Variants in POLR2G observed in about 807,000 individuals in gnomAD.
POLR2G encodes RNA polymerase II subunit G.
A neutral mutation model predicts 25.7 loss-of-function variants in POLR2G; 19 were observed. The observed-to-expected ratio is 0.74, with a 90% CI of 0.52 to 1.08. The LOEUF (loss-of-function observed/expected upper bound fraction) is 1.08, where lower values mean the gene tolerates loss of function less well. POLR2G is among the 50% of genes least tolerant of loss of function. The pLI, the probability that POLR2G is intolerant of heterozygous loss-of-function variation, is 0.00. For missense variants in POLR2G, 123 were observed against 218.5 expected (o/e 0.56, Z 2.76); for synonymous variants, 79 against 76.0 (o/e 1.04, Z -0.21).
chr11:62,761,584 G>A lies in POLR2G; in HGVS notation c.-65G>A. The A allele has an allele frequency of 1.3e-6, 2 of 1,525,900 alleles. No individual in the cohort carries two copies. Among genetic ancestry groups the A allele is most frequent in the East Asian group, 4.7e-5 (2 of 42,390 alleles). 94.5% of individuals were successfully genotyped at this position (1,525,900 alleles called of 1,614,324 possible). ...GGAACTGGGGTTGCGGCGTCTAAGT[G>A]TTTCCGGTGGATTCCCAGGGACTGT... On this transcript the variant is annotated 5_prime_UTR_variant, in exon 1 of 8. Coordinates refer to ENST00000301788, the MANE Select transcript of POLR2G (RefSeq NM_002696.3).
rs780474757 is a variant in POLR2G, at chr11:62,766,474, T to C, written c.506-20T>C. The C allele has an allele frequency of 9.3e-6, 15 of 1,613,840 alleles. No individual in the cohort carries two copies. The highest frequency in any genetic ancestry group is 6.7e-5 in the Admixed American group (4 of 59,994). ...CCCTAAATTCCGGTTCTAACTGATATGCTTTTTCTGGTTTCGCAGGGCTTG... is the reference window on the plus strand; with the variant it reads ...CCCTAAATTCCGGTTCTAACTGATACGCTTTTTCTGGTTTCGCAGGGCTTG... On this transcript the variant is annotated intron_variant, in intron 7 of 7. Coordinates refer to ENST00000301788, the MANE Select transcript of POLR2G (RefSeq NM_002696.3).
In POLR2G at chr11:62,765,615, C is replaced by A. The variant is rs766171822; in HGVS notation, c.400-38C>A. The A allele has an allele frequency of 2.2e-5, 31 of 1,430,590 alleles. 1 individual carries two copies. In the South Asian group the frequency reaches 3.4e-4, roughly 16 times the overall value. The allele number at this position is 1,430,590 out of a possible 1,614,324, so 88.6% of individuals were successfully genotyped here. Reference sequence around the variant, plus strand: ...TGATTGTGATGTAACTTCTCATAAACTGAGGAGCATCTGTACACTGTTCCC... The same window carrying A: ...TGATTGTGATGTAACTTCTCATAAAATGAGGAGCATCTGTACACTGTTCCC... On this transcript the variant is annotated intron_variant, in intron 5 of 7. Coordinates refer to ENST00000301788, the MANE Select transcript of POLR2G (RefSeq NM_002696.3).
intron 3 of POLR2G, among the ~76,000 whole-genome samples, chr11:62,764,189 G>A (rs182049186): frequency 1.3e-5 from 2 of 152,010 alleles, no homozygotes; most frequent in Admixed American, 6.6e-5. Context: ...GGCTGGGCGC[G>A]GTGACTCACA....
chr11:62,762,812 G>A, intron 2 of POLR2G, 55 bp from the exon 3 acceptor site: 1 of 1,447,346 alleles, frequency 6.9e-7, no homozygotes, highest in East Asian at 2.3e-5. Flanking sequence ...TATTGCAGAT[G>A]TCTTTAGAGG....
chr11:62,765,471 C>A, intron 5 of POLR2G, 66 bp downstream of exon 5: 1 of 1,352,338 alleles, frequency 7.4e-7, no homozygotes, highest in Non-Finnish European at 1.1e-6. Context: ...AGAATATTGG[C>A]CTGGGGATGG....
At chr11:62,766,153 G>T in intron 6 of POLR2G, 90 bp from the exon 7 acceptor site, 1 of 1,067,472 alleles carries the variant, frequency 9.4e-7, no homozygotes. Flanking sequence ...AGGAAGAAGG[G>T]ATGGATGGGC....
chr11:62,764,188 C>A (rs945711691), intron 3 of POLR2G, among the ~76,000 whole-genome samples: 1 of 151,964 alleles, frequency 6.6e-6, no homozygotes, highest in African/African-American at 2.4e-5. Context: ...AGGCTGGGCG[C>A]GGTGACTCAC....
intron 6 of POLR2G, 51 bp from the exon 7 acceptor site, chr11:62,766,192 T>C: frequency 6.5e-7 from 1 of 1,537,406 alleles, no homozygotes; most frequent in Non-Finnish European, 9.0e-7. Flanking sequence ...GGGTGGAGGT[T>C]GGTTCTGTGC....
In POLR2G at chr11:62,766,697, G is replaced by A. The variant is rs1022383157; in HGVS notation, c.*190G>A. 8.8e-6 allele frequency: 5 copies of A among 568,300 alleles called. No individual in the cohort carries two copies. Among genetic ancestry groups the A allele is most frequent in the Non-Finnish European group, 1.6e-5 (5 of 320,052 alleles). 35.2% of individuals were successfully genotyped at this position (568,300 alleles called of 1,614,324 possible). On this transcript the variant is annotated 3_prime_UTR_variant, in exon 8 of 8. Coordinates refer to ENST00000301788, the MANE Select transcript of POLR2G (RefSeq NM_002696.3). ...TCAGTATGTGTTCTAAGTATAAAAAGTCCTTGGTTCTCATGGAAGTGTTAT... is the reference window on the plus strand; with the variant it reads ...TCAGTATGTGTTCTAAGTATAAAAAATCCTTGGTTCTCATGGAAGTGTTAT...
intron 4 of POLR2G, 39 bp downstream of exon 4, chr11:62,765,271 A>C (rs370907521): frequency 2.2e-5 from 36 of 1,608,716 alleles, no homozygotes; most frequent in Non-Finnish European, 3.1e-5. Context: ...AGGAAGACAG[A>C]TACTCATTCA....
Position 62,766,576 on chromosome 11 carries a change from A to G in POLR2G, c.*69A>G. On this transcript the variant is annotated 3_prime_UTR_variant, in exon 8 of 8. Coordinates refer to ENST00000301788, the MANE Select transcript of POLR2G (RefSeq NM_002696.3). Reference sequence around the variant, plus strand: ...TTGTCACACTTATCATGTTGTCCAGAGGTCCAGTCTGGCTGCTGTTGTGGA... The same window carrying G: ...TTGTCACACTTATCATGTTGTCCAGGGGTCCAGTCTGGCTGCTGTTGTGGA... The G allele has an allele frequency of 6.7e-6, 10 of 1,488,844 alleles. No homozygotes were observed. The highest frequency in any genetic ancestry group is 9.4e-6 in the Non-Finnish European group (10 of 1,067,566). 92.2% of individuals were successfully genotyped at this position (1,488,844 alleles called of 1,614,324 possible). A position where few individuals can be genotyped will look rare whatever the true frequency, so the allele number is the denominator to read the frequency against.
chr11:62,762,918 G>A lies in POLR2G; in HGVS notation c.174G>A (p.Val58=), dbSNP rs2084095799. 2 of 1,610,928 alleles carry A rather than the reference G, an allele frequency of 1.2e-6. No individual in the cohort carries two copies. Among genetic ancestry groups the A allele is most frequent in the East Asian group, 4.5e-5 (2 of 44,766 alleles). The change falls in exon 3 of 8, where the codon GTG becomes GTA. Residue 58 remains valine, a synonymous_variant. Transcript: ENST00000301788. ...VTTIDNIGAG[V]IQPGRGFVLY... is the part of the protein sequence containing the mutation. ...CCATTGACAATATTGGTGCTGGTGTGATCCAGCCAGGCCGAGGCTTTGTCC... is the reference window on the plus strand; with the variant it reads ...CCATTGACAATATTGGTGCTGGTGTAATCCAGCCAGGCCGAGGCTTTGTCC...
chr11:62,765,703 C>G lies in POLR2G; in HGVS notation c.450C>G (p.Thr150=). 1 of 1,608,064 alleles carries G rather than the reference C, an allele frequency of 6.2e-7. No homozygotes were observed. Among genetic ancestry groups the G allele is most frequent in the South Asian group, 1.1e-5 (1 of 91,002 alleles). ...DDEIRLKIVG[T]RVDKNDIFAI... is the part of the protein sequence containing the mutation. ...AGATCCGCTTAAAGATTGTGGGGACCCGTGTGGACAAGAATGACATTGTGA... is the reference window on the plus strand; with the variant it reads ...AGATCCGCTTAAAGATTGTGGGGACGCGTGTGGACAAGAATGACATTGTGA... The change falls in exon 6 of 8, where the codon ACC becomes ACG. Residue 150 remains threonine (T), a synonymous_variant. Coordinates refer to ENST00000301788, the MANE Select transcript of POLR2G (RefSeq NM_002696.3).
chr11:62,761,947 A>G (rs1202773596), intron 2 of POLR2G, 43 bp downstream of exon 2: 2 of 1,400,944 alleles, frequency 1.4e-6, no homozygotes, highest in Non-Finnish European at 2.0e-6. Flanking sequence ...TTCGATGCGC[A>G]CACGGGGCGC....
Position 62,762,893 on chromosome 11 carries a change from C to G in POLR2G, c.149C>G (p.Thr50Ser). 2 of 1,601,536 alleles carry G rather than the reference C, an allele frequency of 1.2e-6. No individual in the cohort carries two copies. The highest frequency in any genetic ancestry group is 4.5e-5 in the East Asian group (2 of 44,482). ...GKYGFVIAVT[T>S]IDNIGAGVIQ... ...TATGGCTTTGTAATTGCTGTCACCA[C>G]CATTGACAATATTGGTGCTGGTGTG... Residue 50 changes from threonine (T) to serine (S), a missense_variant, in exon 3 of 8, where the codon ACC becomes AGC. Thr to Ser is a moderately conservative substitution (Grantham distance 58). Coordinates refer to ENST00000301788, the MANE Select transcript of POLR2G (RefSeq NM_002696.3).
intron 3 of POLR2G, among the ~76,000 whole-genome samples, chr11:62,764,943 C>G (rs942198019): frequency 1.5e-4 from 23 of 151,976 alleles, no homozygotes; most frequent in African/African-American, 5.6e-4. Flanking sequence ...ACTGCAACCT[C>G]CACCTCCTGG....
intron 3 of POLR2G, among the ~76,000 whole-genome samples, chr11:62,764,919 T>C (rs1190873019): frequency 6.6e-6 from 1 of 151,834 alleles, no homozygotes; most frequent in Non-Finnish European, 1.5e-5. Context: ...AGTGCAATGG[T>C]GCAATCTCGG....
intron 3 of POLR2G, 49 bp downstream of exon 3, chr11:62,763,075 G>T: frequency 7.4e-7 from 1 of 1,359,596 alleles, no homozygotes; most frequent in Non-Finnish European, 1.0e-6. Context: ...CGGAAGATCT[G>T]GGTTGGGTTC....
chr11:62,761,971 C>A, intron 2 of POLR2G, 67 bp downstream of exon 2: 2 of 1,133,828 alleles, frequency 1.8e-6, no homozygotes, highest in Non-Finnish European at 2.6e-6. Context: ...ACCTGCAACC[C>A]CTCCCCAACT....
Sources: gnomAD v4.1 joint callset for allele counts (sites outside exome capture counted in the v4.1 genomes callset) on GRCh38, gnomAD v4.1.1 for gene constraint, MANE v1.5 for transcripts, NCBI Gene and HGNC (gene_info 2026-07-23, HGNC 2026-07-21) for gene names.